The following SLC35F3 variants were observed in gnomAD, a reference collection of about 807,000 sequenced individuals.
The protein encoded by SLC35F3 is solute carrier family 35 member F3, also known as putative thiamine transporter SLC35F3.
SLC35F3 carries 25 observed loss-of-function variants against 49.9 expected under a neutral mutation model. The observed-to-expected ratio is 0.50, with a 90% confidence interval of 0.37 to 0.70. The LOEUF (loss-of-function observed/expected upper bound fraction) is 0.70. Among genes scored for constraint, SLC35F3 ranks in the 30% least tolerant of loss-of-function variants. The probability of loss-of-function intolerance (pLI) is 0.00; values close to 1 mark genes in which losing one functional copy is unlikely to be tolerated. For synonymous variants in SLC35F3, 275 were observed against 265.4 expected, an observed-to-expected ratio of 1.04 and a Z score of -0.35; for missense variants, 525 against 639.8, an observed-to-expected ratio of 0.82 and a Z score of 1.94.
At chr1:234,056,083 T>C (rs1664453525) in intron 2 of SLC35F3, among the ~76,000 whole-genome samples, 2 of 152,126 alleles carry the variant, frequency 1.3e-5, no homozygotes, top group Non-Finnish European at 2.9e-5. Flanking sequence ...CAGAATCTCC[T>C]GAATTGATTT....
intron 3 of SLC35F3, among the ~76,000 whole-genome samples, chr1:234,266,335 A>G (rs1023552784): frequency 1.3e-5 from 2 of 152,202 alleles, no homozygotes; most frequent in Non-Finnish European, 2.9e-5. Flanking sequence ...AAAATGCTCC[A>G]CTTATTTAGT....
chr1:234,108,752 G>GATATATATAA (rs1233818582), intron 2 of SLC35F3, among the ~76,000 whole-genome samples: 1 of 86,698 alleles, frequency 1.2e-5, no homozygotes, highest in Non-Finnish European at 2.2e-5. Flanking sequence ...ATATATAAAA[G>GATATATATAA]ATATATATAA....
At chr1:234,305,320 T>G (rs2102992140) in intron 3 of SLC35F3, among the ~76,000 whole-genome samples, 1 of 152,322 alleles carries the variant, frequency 6.6e-6, no homozygotes, top group South Asian at 2.1e-4. Flanking sequence ...TTTACCATTT[T>G]TTCTTTTACC....
chr1:234,074,223 G>A (rs771449322), intron 2 of SLC35F3, among the ~76,000 whole-genome samples: 12 of 152,242 alleles, frequency 7.9e-5, no homozygotes, highest in Non-Finnish European at 1.5e-4. Flanking sequence ...CTGGTCAGTA[G>A]CAGAAGCTTC....
chr1:234,302,815 C>T (rs1194404237), intron 3 of SLC35F3, among the ~76,000 whole-genome samples: 1 of 152,056 alleles, frequency 6.6e-6, no homozygotes, highest in East Asian at 1.9e-4. Context: ...TCTGAGTGCC[C>T]ACATTTCAGC....
At chr1:233,970,423 A>T (rs1042590625) in intron 2 of SLC35F3, among the ~76,000 whole-genome samples, 29 of 152,186 alleles carry the variant, frequency 1.9e-4, no homozygotes, top group African/African-American at 6.8e-4. Flanking sequence ...CTTAGAGTTG[A>T]TGCCAGACTG....
intron 2 of SLC35F3, among the ~76,000 whole-genome samples, chr1:234,047,337 C>A (rs1664306153): frequency 6.6e-6 from 1 of 152,076 alleles, no homozygotes; most frequent in Non-Finnish European, 1.5e-5. Context: ...TACCATTTGA[C>A]TTAGTAAACT....
At chr1:233,999,811 G>A (rs1663523115) in intron 2 of SLC35F3, among the ~76,000 whole-genome samples, 1 of 152,094 alleles carries the variant, frequency 6.6e-6, no homozygotes, top group Admixed American at 6.5e-5. Flanking sequence ...TAACATTTGT[G>A]AAAACAGGGA....
At chr1:234,137,052 T>C (rs1393009654) in intron 2 of SLC35F3, among the ~76,000 whole-genome samples, 1 of 152,234 alleles carries the variant, frequency 6.6e-6, no homozygotes, top group Non-Finnish European at 1.5e-5. Flanking sequence ...TAGACATGGC[T>C]CCAGCTTTAG....
chr1:233,962,881 A>G (rs1662827491), intron 2 of SLC35F3, among the ~76,000 whole-genome samples: 1 of 152,220 alleles, frequency 6.6e-6, no homozygotes, highest in Admixed American at 6.5e-5. Flanking sequence ...CATGGCAGTG[A>G]TGAATTAATC....
chr1:233,955,118 A>C (rs188796288), intron 2 of SLC35F3, among the ~76,000 whole-genome samples: 1 of 152,084 alleles, frequency 6.6e-6, no homozygotes, highest in African/African-American at 2.4e-5. Context: ...TGCTGGGATT[A>C]CAGGCACGAG....
At chr1:234,083,009 T>G (rs967026505) in intron 2 of SLC35F3, among the ~76,000 whole-genome samples, 6 of 152,194 alleles carry the variant, frequency 3.9e-5, no homozygotes, top group African/African-American at 1.4e-4. Context: ...CTTTGGAATT[T>G]TATCTAAGTA....
At chr1:233,969,663 G>T (rs1662960466) in intron 2 of SLC35F3, among the ~76,000 whole-genome samples, 1 of 152,244 alleles carries the variant, frequency 6.6e-6, no homozygotes, top group African/African-American at 2.4e-5. Context: ...GCCTAGTGTT[G>T]GAAGGCATGG....
chr1:234,243,331 G>T (rs1370354338), intron 3 of SLC35F3, among the ~76,000 whole-genome samples: 1 of 152,166 alleles, frequency 6.6e-6, no homozygotes, highest in Non-Finnish European at 1.5e-5. Flanking sequence ...CTGGGCGACA[G>T]AGTGAGACTC....
chr1:233,953,102 C>T (rs891865904), intron 2 of SLC35F3, among the ~76,000 whole-genome samples: 5 of 151,824 alleles, frequency 3.3e-5, no homozygotes, highest in Admixed American at 2.6e-4. Flanking sequence ...AGAATGAGCT[C>T]GAAATAGGAA....
rs528086538 is a variant in SLC35F3, at chr1:234,275,136, C to T, written c.609-33965C>T. Among the ~76,000 whole-genome samples, 8 of 152,236 alleles carry T rather than the reference C, an allele frequency of 5.3e-5. No homozygotes were observed. In the South Asian group the frequency reaches 1.0e-3, roughly 20 times the overall value. Reference sequence around the variant, plus strand: ...AAGACCCAAGTGGAAAATTTCACACCGGACCTCATTTGATGCGTCACAGTC... The same window carrying T: ...AAGACCCAAGTGGAAAATTTCACACTGGACCTCATTTGATGCGTCACAGTC... On this transcript the variant is annotated intron_variant, in intron 3 of 7. Coordinates refer to ENST00000366618, the MANE Select transcript of SLC35F3 (RefSeq NM_173508.4).
intron 2 of SLC35F3, among the ~76,000 whole-genome samples, chr1:234,051,020 A>G (rs951006268): frequency 1.3e-5 from 2 of 152,138 alleles, no homozygotes; most frequent in South Asian, 2.1e-4. Context: ...TACTAGTGCC[A>G]TGTTGTTTTG....
intron 2 of SLC35F3, among the ~76,000 whole-genome samples, chr1:234,219,378 C>T (rs892133362): frequency 6.6e-6 from 1 of 152,154 alleles, no homozygotes; most frequent in African/African-American, 2.4e-5. Context: ...TTGGCTAGCT[C>T]TAGGTCTGAA....
intron 2 of SLC35F3, among the ~76,000 whole-genome samples, chr1:234,084,127 C>T (rs750439950): frequency 4.6e-5 from 7 of 152,018 alleles, no homozygotes; most frequent in Non-Finnish European, 8.8e-5. Context: ...GTGTGAGCCA[C>T]CGTGCCTGGC....
Sources: allele counts gnomAD v4.1 joint callset (sites outside exome capture counted in the v4.1 genomes callset), GRCh38; gene constraint gnomAD v4.1.1; transcripts MANE v1.5; gene names NCBI Gene and HGNC (gene_info 2026-07-23, HGNC 2026-07-21).